Variants in BRAF observed in about 807,000 individuals in gnomAD.
BRAF encodes the protein serine/threonine-protein kinase B-raf.
BRAF carries 16 observed loss-of-function variants against 104.6 expected under a neutral mutation model. That is an observed-to-expected ratio of 0.15 (90% confidence interval 0.10 to 0.23). The LOEUF is 0.23. Ranked by LOEUF, BRAF falls within the 10% of genes least tolerant of loss-of-function variation. BRAF has a pLI of 1.00. For synonymous variants in BRAF, 310 were observed against 341.6 expected (o/e 0.91, Z 1.02); for missense variants, 541 against 937.3 (o/e 0.58, Z 5.52).
At position 140,722,364 on chromosome 7, in the gene BRAF, G is replaced by C. The variant is rs113949305; in HGVS notation, c.*4130C>G. Reference sequence around the variant, plus strand: ...ATTAACACAGCTGAGTTAAACCAGAGTGGCTGCTCTCTTCACAAATCACTG... The same window carrying C: ...ATTAACACAGCTGAGTTAAACCAGACTGGCTGCTCTCTTCACAAATCACTG... On this transcript the variant is annotated 3_prime_UTR_variant, in exon 20 of 20. Transcript: ENST00000644969. 3 of 1,054,866 alleles carry C rather than the reference G, an allele frequency of 2.8e-6. No homozygotes were observed. Among genetic ancestry groups the C allele is most frequent in the Admixed American group, 1.1e-4 (2 of 18,374 alleles). The allele number at this position is 1,054,866 out of a possible 1,614,324, so 65.3% of individuals were successfully genotyped here. A position where few individuals can be genotyped will look rare whatever the true frequency, so the allele number is the denominator to read the frequency against.
intron 1 of BRAF, among the ~76,000 whole-genome samples, chr7:140,919,823 T>A (rs941343937): frequency 1.7e-4 from 20 of 120,198 alleles, no homozygotes; most frequent in Non-Finnish European, 2.4e-4. Flanking sequence ...TACAAGCAAG[T>A]TTTTTTGTTT....
In BRAF at chr7:140,781,636, T is replaced by C. The variant is rs1461539805; in HGVS notation, c.1492A>G (p.Thr498Ala). The change falls in exon 12 of 20, where the codon ACA becomes GCA. Residue 498 changes from threonine to alanine, a missense_variant. Transcript: ENST00000644969. Reference sequence around the variant, plus strand: ...CCAGATCCAATTCTTTGTCCCACTGTAATCTGCCCATCAGGAATCTCCCAA... The same window carrying C: ...CCAGATCCAATTCTTTGTCCCACTGCAATCTGCCCATCAGGAATCTCCCAA... ...DDWEIPDGQI[T>A]VGQRIGSGSF... is the part of the protein sequence containing the mutation. The C allele has an allele frequency of 1.9e-6, 3 of 1,614,116 alleles. No individual in the cohort carries two copies. The Admixed American group carries it at 5.0e-5, about 27-fold the overall frequency.
downstream of BRAF, among the ~76,000 whole-genome samples, chr7:140,714,853 T>G (rs1185905383): frequency 2.0e-5 from 3 of 152,022 alleles, no homozygotes; most frequent in Non-Finnish European, 2.9e-5. Context: ...AAATTGAACT[T>G]TTGACTGGTC....
At chr7:140,727,306 C>G (rs940913029) in intron 19 of BRAF, among the ~76,000 whole-genome samples, 1 of 151,756 alleles carries the variant, frequency 6.6e-6, no homozygotes, top group Admixed American at 6.6e-5. Flanking sequence ...GCCTCAGCCT[C>G]CCAAGTAGCT....
chr7:140,788,571 C>T (rs1801627306), intron 8 of BRAF, among the ~76,000 whole-genome samples: 1 of 152,006 alleles, frequency 6.6e-6, no homozygotes, highest in Admixed American at 6.6e-5. Flanking sequence ...AACAAAGTGG[C>T]TCATAGAAAG....
Position 140,802,360 on chromosome 7 carries a change from C to T in BRAF, c.712-800G>A, listed in dbSNP as rs536242884. On this transcript the variant is annotated intron_variant, in intron 5 of 19. Transcript: ENST00000644969. ...TCGCCCAGGCTGGAGTGCTGTGGCA[C>T]GATCTCGGCTCACTGCAACCTCCAC... Among the ~76,000 whole-genome samples the T allele has an allele frequency of 5.5e-5, 8 of 145,442 alleles. No homozygotes were observed. In the South Asian group the frequency reaches 6.5e-4, roughly 12 times the overall value.
At chr7:140,793,502 T>C (rs953605583) in intron 8 of BRAF, among the ~76,000 whole-genome samples, 8 of 151,960 alleles carry the variant, frequency 5.3e-5, no homozygotes, top group Non-Finnish European at 1.2e-4. Context: ...TTAAAATTTA[T>C]AAGTTTTTCT....
intron 1 of BRAF, among the ~76,000 whole-genome samples, chr7:140,895,975 T>C (rs1814843425): frequency 6.6e-6 from 1 of 152,226 alleles, no homozygotes; most frequent in South Asian, 2.1e-4. Flanking sequence ...ACCTCCATAC[T>C]GATACAGTGT....
intron 16 of BRAF, among the ~76,000 whole-genome samples, 188 bp from the exon 16 acceptor site, chr7:140,749,606 G>T (rs1212810164): frequency 6.6e-6 from 1 of 152,100 alleles, no homozygotes; most frequent in African/African-American, 2.4e-5. Context: ...TACTCAGAAA[G>T]AGACAGTATT....
At chr7:140,873,373 T>C (rs1348630560) in intron 1 of BRAF, among the ~76,000 whole-genome samples, 2 of 152,088 alleles carry the variant, frequency 1.3e-5, no homozygotes, top group Admixed American at 1.3e-4. Flanking sequence ...TTTCACCATG[T>C]TGGCCAGGCT....
rs1795591507 is a variant in BRAF at position 140,726,249 on chromosome 7, C to G, written c.*245G>C. On this transcript the variant is annotated 3_prime_UTR_variant, in exon 20 of 20. Coordinates refer to ENST00000644969, the MANE Select transcript of BRAF (RefSeq NM_001374258.1). Reference sequence around the variant, plus strand: ...GGGTCTCTCCTCTTTCTTCCTGGGACTGGGCAGACTTGTATGCTCGTGGTA... The same window carrying G: ...GGGTCTCTCCTCTTTCTTCCTGGGAGTGGGCAGACTTGTATGCTCGTGGTA... 8 of 1,346,130 alleles carry G rather than the reference C, an allele frequency of 5.9e-6. No individual in the cohort carries two copies. In the South Asian group the frequency reaches 1.6e-4, roughly 26 times the overall value. 83.4% of individuals were successfully genotyped at this position (1,346,130 alleles called of 1,614,324 possible). A position where few individuals can be genotyped will look rare whatever the true frequency, so the allele number is the denominator to read the frequency against.
At chr7:140,764,420 T>C (rs1430713788) in intron 14 of BRAF, among the ~76,000 whole-genome samples, 1 of 149,022 alleles carries the variant, frequency 6.7e-6, no homozygotes, top group Non-Finnish European at 1.5e-5. Flanking sequence ...CCACTCCTAT[T>C]CAACATAGTG....
Position 140,721,739 on chromosome 7 carries a change from TG to T in BRAF, c.*4754del, listed in dbSNP as rs2130820088. 6.6e-7 allele frequency: 1 copy of T among 1,508,926 alleles called. No individual in the cohort carries two copies. The highest frequency in any genetic ancestry group is 1.4e-5 in the African/African-American group (1 of 71,664). 93.5% of individuals were successfully genotyped at this position (1,508,926 alleles called of 1,614,324 possible). On this transcript the variant is annotated 3_prime_UTR_variant, in exon 20 of 20. Coordinates refer to ENST00000644969, the MANE Select transcript of BRAF (RefSeq NM_001374258.1). ...ACAATACATGGACTTTCTCTTTCAA[TG>T]GTGAGGAATGAAACAAGATACAAGA... is the stretch of plus-strand genomic sequence containing the variant.
rs918531070 is a variant in BRAF at position 140,787,371 on chromosome 7, A to G, written c.1177+177T>C. On this transcript the variant is annotated intron_variant, in intron 9 of 19. Transcript: ENST00000644969. ...ATCTTTTCTACTCATGTTATAAACT[A>G]GTTAACATTTTATTAGAGGTAAATG... Among the ~76,000 whole-genome samples, 4 of 151,350 alleles carry G rather than the reference A, an allele frequency of 2.6e-5. No homozygotes were observed. In the East Asian group the frequency reaches 7.7e-4, roughly 29 times the overall value.
intron 11 of BRAF, among the ~76,000 whole-genome samples, chr7:140,782,284 T>A (rs2129024886): frequency 6.6e-6 from 1 of 152,324 alleles, no homozygotes; most frequent in African/African-American, 2.4e-5. Context: ...AAGTAAAATG[T>A]TTTTATCATC....
intron 10 of BRAF, among the ~76,000 whole-genome samples, chr7:140,783,847 T>C (rs141725734): frequency 2.8e-4 from 42 of 152,378 alleles, no homozygotes; most frequent in Admixed American, 2.7e-3. Context: ...TCTGCCTTTG[T>C]AAGTGAGAGC....
Position 140,749,407 on chromosome 7 carries a change from G to A in BRAF, c.1992C>T (p.Val664=), listed in dbSNP as rs2128994608. The part of the protein sequence containing the change: ...SGSILWMAPE[V]IRMQDKNPYS... ...ATGGATTTTTATCTTGCATTCTGAT[G>A]ACTTCTGGTGCCTGTTAGAACATAC... Residue 664 remains valine (V), a synonymous_variant, in exon 17 of 20, where the codon GTC becomes GTT. Transcript: ENST00000644969. 6.2e-7 allele frequency: 1 copy of A among 1,612,876 alleles called. No homozygotes were observed. Among genetic ancestry groups the A allele is most frequent in the Non-Finnish European group, 8.5e-7 (1 of 1,179,370 alleles).
At chr7:140,816,166 T>C (rs1303519787) in intron 3 of BRAF, among the ~76,000 whole-genome samples, 2 of 152,186 alleles carry the variant, frequency 1.3e-5, no homozygotes, top group African/African-American at 2.4e-5. Context: ...CTGCTTCCTA[T>C]AGTATTCTAC....
At chr7:140,772,313 CAAA>C (rs1799930217) in intron 14 of BRAF, among the ~76,000 whole-genome samples, 2 of 139,110 alleles carry the variant, frequency 1.4e-5, no homozygotes. Context: ...ACAACAACAA[CAAA>C]GTTCAATCAA....
Sources: allele counts gnomAD v4.1 joint callset (sites outside exome capture counted in the v4.1 genomes callset), GRCh38; gene constraint gnomAD v4.1.1; transcripts MANE v1.5; gene names NCBI Gene and HGNC (gene_info 2026-07-23, HGNC 2026-07-21).